The following EYA1 variants were observed in gnomAD, a reference collection of about 807,000 sequenced individuals.
EYA1 encodes the protein EYA transcriptional coactivator and phosphatase 1.
EYA1 carries 16 observed loss-of-function variants against 82.0 expected under a neutral mutation model. The ratio of observed to expected loss-of-function variants is 0.20; its 90% confidence interval spans 0.13 to 0.30. The LOEUF is 0.30. Ranked by LOEUF, EYA1 falls within the 10% of genes least tolerant of loss-of-function variation. The probability of loss-of-function intolerance (pLI) is 1.00; values close to 1 mark genes in which losing one functional copy is unlikely to be tolerated. For synonymous variants in EYA1, 261 were observed against 264.4 expected (o/e 0.99, Z 0.12); for missense variants, 633 against 730.7 (o/e 0.87, Z 1.54).
chr8:71,490,457 T>C (rs2129223857), intron 2 of EYA1, among the ~76,000 whole-genome samples: 1 of 152,344 alleles, frequency 6.6e-6, no homozygotes, highest in South Asian at 2.1e-4. Flanking sequence ...TAAAGGCTTT[T>C]ACGACTTATG....
rs1827385105 is a variant in EYA1 at position 71,361,629 on chromosome 8, C to T, written c.-55+18G>A. The T allele has an allele frequency of 1.0e-6, 1 of 981,688 alleles. No homozygotes were observed. The highest frequency in any genetic ancestry group is 1.2e-6 in the Non-Finnish European group (1 of 826,480). The allele number at this position is 981,688 out of a possible 1,614,324, so 60.8% of individuals were successfully genotyped here. A position where few individuals can be genotyped will look rare whatever the true frequency, so the allele number is the denominator to read the frequency against. ...TTGTCAGTCACTACAATTTTTCAAA[C>T]AGTCAGCTTGTACTTACAGCGCTTA... On this transcript the variant is annotated intron_variant, in intron 1 of 17. Transcript: ENST00000340726.
chr8:71,537,110 T>G (rs988774358), intron 1 of EYA1, among the ~76,000 whole-genome samples: 1 of 152,194 alleles, frequency 6.6e-6, no homozygotes, highest in African/African-American at 2.4e-5. Flanking sequence ...TTTGTTTTGC[T>G]CAACATTATC....
chr8:71,402,823 C>A (rs2129128914), intron 2 of EYA1, among the ~76,000 whole-genome samples: 1 of 152,102 alleles, frequency 6.6e-6, no homozygotes, highest in East Asian at 1.9e-4. Context: ...GATATTAATT[C>A]ATGACAAAGG....
intron 2 of EYA1, among the ~76,000 whole-genome samples, chr8:71,523,034 T>C (rs1813519841): frequency 6.6e-6 from 1 of 152,192 alleles, no homozygotes; most frequent in African/African-American, 2.4e-5. Flanking sequence ...TATAAAATTG[T>C]TTTTCTCCCT....
At chr8:71,459,895 T>A (rs935970841) in intron 2 of EYA1, among the ~76,000 whole-genome samples, 1 of 152,192 alleles carries the variant, frequency 6.6e-6, no homozygotes, top group African/African-American at 2.4e-5. Flanking sequence ...TTAAGCTCAT[T>A]TTCCAATTTT....
At chr8:71,224,886 A>G (rs1810374088) in intron 12 of EYA1, among the ~76,000 whole-genome samples, 1 of 152,216 alleles carries the variant, frequency 6.6e-6, no homozygotes, top group Non-Finnish European at 1.5e-5. Context: ...AACTAAGTGA[A>G]ATGGGACATC....
chr8:71,300,943 A>T (rs939944853), intron 7 of EYA1, among the ~76,000 whole-genome samples: 1 of 152,224 alleles, frequency 6.6e-6, no homozygotes, highest in Non-Finnish European at 1.5e-5. Flanking sequence ...GAAGGATTTG[A>T]TATATGGTCA....
intron 2 of EYA1, among the ~76,000 whole-genome samples, chr8:71,480,812 T>C (rs1030142449): frequency 6.6e-6 from 1 of 152,184 alleles, no homozygotes; most frequent in African/African-American, 2.4e-5. Flanking sequence ...AAAACAAATA[T>C]CAATTATTTA....
chr8:71,229,736 T>C (rs896628856), intron 12 of EYA1, among the ~76,000 whole-genome samples: 2 of 152,198 alleles, frequency 1.3e-5, no homozygotes, highest in Non-Finnish European at 2.9e-5. Context: ...TCCAATTCCA[T>C]CCCTCAGAAG....
intron 2 of EYA1, among the ~76,000 whole-genome samples, chr8:71,454,802 C>A (rs1438228542): frequency 6.6e-6 from 1 of 152,026 alleles, no homozygotes; most frequent in Non-Finnish European, 1.5e-5. Flanking sequence ...CACTAAATGC[C>A]CACAAAAGAA....
rs551721932 is a variant in EYA1, at chr8:71,292,806, G to A, written c.826+6241C>T. Among the ~76,000 whole-genome samples, 3 of 151,942 alleles carry A rather than the reference G, an allele frequency of 2.0e-5. No individual in the cohort carries two copies. In the South Asian group the frequency reaches 6.2e-4, roughly 32 times the overall value. ...TGAAATGCCACAAAAACAGCGCTCAGGAGAAAATTAACAGCACTGAACACA... is the reference window on the plus strand; with the variant it reads ...TGAAATGCCACAAAAACAGCGCTCAAGAGAAAATTAACAGCACTGAACACA... On this transcript the variant is annotated intron_variant, in intron 9 of 17. Transcript: ENST00000340726.
At chr8:71,432,246 T>C (rs768238746) in intron 2 of EYA1, among the ~76,000 whole-genome samples, 1 of 152,236 alleles carries the variant, frequency 6.6e-6, no homozygotes, top group Non-Finnish European at 1.5e-5. Flanking sequence ...ATGTAAAGGG[T>C]CACAATAAAC....
chr8:71,435,470 A>C (rs1025265353), intron 2 of EYA1, among the ~76,000 whole-genome samples: 3 of 151,976 alleles, frequency 2.0e-5, no homozygotes, highest in African/African-American at 7.2e-5. Flanking sequence ...AATGAAAGTG[A>C]GCTCTAAAAT....
intron 2 of EYA1, among the ~76,000 whole-genome samples, chr8:71,524,328 G>C (rs1385483168): frequency 6.6e-6 from 1 of 152,164 alleles, no homozygotes; most frequent in Non-Finnish European, 1.5e-5. Context: ...TGAGCACTGA[G>C]AATGAATAAA....
chr8:71,546,074 A>G (rs1300940695), intron 1 of EYA1, among the ~76,000 whole-genome samples: 1 of 152,122 alleles, frequency 6.6e-6, no homozygotes, highest in Non-Finnish European at 1.5e-5. Flanking sequence ...GCTCACCTGC[A>G]GCTACCCCAG....
chr8:71,322,333 AG>A, intron 4 of EYA1, 65 bp from the exon 5 acceptor site: 1 of 1,357,780 alleles, frequency 7.4e-7, no homozygotes, highest in Non-Finnish European at 1.1e-6. Flanking sequence ...ATATATAGAA[AG>A]CACTGACATA....
At chr8:71,328,192 A>G (rs183861069) in intron 4 of EYA1, among the ~76,000 whole-genome samples, 21 of 152,256 alleles carry the variant, frequency 1.4e-4, no homozygotes, top group African/African-American at 5.1e-4. Flanking sequence ...TGGAGAAGAA[A>G]GTAGGAGTGG....
At chr8:71,200,931 A>C in intron 17 of EYA1, among the ~76,000 whole-genome samples, 1 of 149,942 alleles carries the variant, frequency 6.7e-6, no homozygotes, top group Non-Finnish European at 1.5e-5. Context: ...AAAACTAGTT[A>C]TGAAAGATTA....
intron 2 of EYA1, among the ~76,000 whole-genome samples, chr8:71,449,886 G>C (rs1450013620): frequency 2.0e-5 from 3 of 152,198 alleles, no homozygotes; most frequent in Admixed American, 2.0e-4. Context: ...GAAACTTACT[G>C]CATCTTCTGC....
Sources: allele counts gnomAD v4.1 joint callset (sites outside exome capture counted in the v4.1 genomes callset), GRCh38; gene constraint gnomAD v4.1.1; transcripts MANE v1.5; gene names NCBI Gene and HGNC (gene_info 2026-07-23, HGNC 2026-07-21).